DLEC1: variants seen among roughly 807,000 people sequenced by gnomAD.
DLEC1 encodes DLEC1 cilia and flagella associated protein, also known as deleted in lung and esophageal cancer protein 1.
DLEC1 carries 146 observed loss-of-function variants against 198.1 expected under a neutral mutation model. The ratio of observed to expected loss-of-function variants is 0.74; its 90% CI spans 0.64 to 0.85. DLEC1 has a LOEUF of 0.85. DLEC1 is among the 40% of genes least tolerant of loss of function. The probability of loss-of-function intolerance (pLI) is 0.00; values close to 1 mark genes in which losing one functional copy is unlikely to be tolerated. For missense variants in DLEC1, 2,233 were observed against 2,220.0 expected (o/e 1.01, Z -0.12); for synonymous variants, 897 against 866.8 (o/e 1.03, Z -0.61).
At chr3:38,045,456 C>T in intron 1 of DLEC1, 87 bp from the exon 2 acceptor site, 4 of 1,493,450 alleles carry the variant, frequency 2.7e-6, no homozygotes, top group Non-Finnish European at 2.7e-6. Context: ...TCACTGGAAG[C>T]CCTGATCCTG....
chr3:38,039,538 T>G lies in DLEC1; in HGVS notation c.313T>G (p.Ser105Ala). 1 of 1,614,004 alleles carries G rather than the reference T, an allele frequency of 6.2e-7. No homozygotes were observed. The highest frequency in any genetic ancestry group is 1.3e-5 in the African/African-American group (1 of 75,064). The change falls in exon 1 of 37, where the codon TCA becomes GCA. Residue 105 changes from serine to alanine, a missense_variant. Transcript: ENST00000308059. Reference sequence around the variant, plus strand: ...CACCGGCGTCTTCCGCAACTTGTACTCAGCCGAGGTCATCGGCGACGAAGT... The same window carrying G: ...CACCGGCGTCTTCCGCAACTTGTACGCAGCCGAGGTCATCGGCGACGAAGT... The part of the protein sequence containing the change: ...LLTGVFRNLY[S>A]AEVIGDEVSA...
chr3:38,063,124 T>G (rs929250748), intron 5 of DLEC1, among the ~76,000 whole-genome samples: 1 of 152,174 alleles, frequency 6.6e-6, no homozygotes, highest in Non-Finnish European at 1.5e-5. Context: ...CATTTGAAAT[T>G]TGATTGATTA....
rs1213264087 is a variant in DLEC1 at position 38,084,033 on chromosome 3, A to G, written c.1174-125A>G. ...CCTCAGCCAGCTTCGACAGTTACCA[A>G]CATGTGGCCAAGCCTATTTCATTTC... On this transcript the variant is annotated intron_variant, in intron 6 of 36. Coordinates refer to ENST00000308059, the MANE Select transcript of DLEC1 (RefSeq NM_007335.4). 10 of 829,372 alleles carry G rather than the reference A, an allele frequency of 1.2e-5. No homozygotes were observed. The Admixed American group carries it at 2.3e-4, about 19-fold the overall frequency. The allele number at this position is 829,372 out of a possible 1,614,324, so 51.4% of individuals were successfully genotyped here.
At chr3:38,048,631 G>A (rs769803282) in intron 2 of DLEC1, among the ~76,000 whole-genome samples, 8 of 152,220 alleles carry the variant, frequency 5.3e-5, no homozygotes, top group Non-Finnish European at 1.0e-4. Flanking sequence ...TTGGAAGGGG[G>A]TGGGACTTAG....
intron 12 of DLEC1, 136 bp downstream of exon 12, chr3:38,093,903 G>A: frequency 8.5e-7 from 1 of 1,176,158 alleles, no homozygotes; most frequent in Non-Finnish European, 1.2e-6. Flanking sequence ...ATTCAATTGA[G>A]GGATCCAGAT....
rs1267901319 is a variant in DLEC1, at chr3:38,122,812, G to A, written c.*400G>A. On this transcript the variant is annotated 3_prime_UTR_variant, in exon 37 of 37. Coordinates refer to ENST00000308059, the MANE Select transcript of DLEC1 (RefSeq NM_007335.4). ...TGGCCTTGTGGCCTGGGTGACCCAG[G>A]CTGCTTTTATCTTGCACAGCTAAAG... The A allele has an allele frequency of 7.3e-6, 7 of 960,942 alleles. No homozygotes were observed. Among genetic ancestry groups the A allele is most frequent in the African/African-American group, 6.6e-5 (4 of 60,280 alleles). The allele number at this position is 960,942 out of a possible 1,614,324, so 59.5% of individuals were successfully genotyped here.
chr3:38,064,125 G>C (rs1441294347), intron 6 of DLEC1, among the ~76,000 whole-genome samples: 2 of 150,560 alleles, frequency 1.3e-5, no homozygotes, highest in East Asian at 3.9e-4. Context: ...TGTGAACAAA[G>C]GTCTCTGGTT....
Position 38,122,115 on chromosome 3 carries a change from C to CCAAA in DLEC1, c.5068_5071dup (p.Ser1691LysfsTer28), listed in dbSNP as rs577236284. On this transcript the variant is annotated frameshift_variant, in exon 36 of 37. Coordinates refer to ENST00000308059, the MANE Select transcript of DLEC1 (RefSeq NM_007335.4). LOFTEE classifies it high-confidence loss of function. The stretch of plus-strand genomic sequence containing the variant: ...GGCCGCTGTGGCCTTCAGGGTCTCC[C>CCAAA]CAAACAGTGGGCTGCTAGAAGCACG... 4.5e-3 allele frequency: 7,255 copies of CCAAA among 1,614,140 alleles called. 24 individuals carry two copies. The highest frequency in any genetic ancestry group is 5.8e-3 in the Non-Finnish European group (6,810 of 1,179,982).
chr3:38,084,577 TGG>T (rs752002906), intron 7 of DLEC1, among the ~76,000 whole-genome samples: 41 of 500 alleles, frequency 0.082, 1 homozygote, highest in Admixed American at 0.12. Flanking sequence ...GTAGTAGTAG[TGG>T]GGGGGTGGTA....
At chr3:38,096,041 G>A in intron 14 of DLEC1, 95 bp downstream of exon 14, 2 of 1,467,316 alleles carry the variant, frequency 1.4e-6, no homozygotes, top group Non-Finnish European at 1.9e-6. Context: ...AGGGGGAGTG[G>A]GCAGCCTGGT....
chr3:38,076,534 C>G (rs1004800524), intron 6 of DLEC1, among the ~76,000 whole-genome samples: 1 of 152,046 alleles, frequency 6.6e-6, no homozygotes, highest in Non-Finnish European at 1.5e-5. Context: ...CAGGATGAGC[C>G]AGGAAAAGGA....
In DLEC1 at chr3:38,096,721, T is replaced by C. The variant is rs370726292; in HGVS notation, c.2324T>C (p.Val775Ala). The C allele has an allele frequency of 2.9e-5, 47 of 1,609,436 alleles. No individual in the cohort carries two copies. The highest frequency in any genetic ancestry group is 3.5e-5 in the Non-Finnish European group (41 of 1,178,340). ...IPGENYIGINVKKAFKMWNNS... is the reference protein window; with the variant it reads ...IPGENYIGINAKKAFKMWNNS... ...GGGGAGAACTACATTGGGATAAATGTGAAGAAGGCTTTTAAGGTAGGTCAT... is the reference window on the plus strand; with the variant it reads ...GGGGAGAACTACATTGGGATAAATGCGAAGAAGGCTTTTAAGGTAGGTCAT... Residue 775 changes from valine to alanine, a missense_variant, in exon 15 of 37, where the codon GTG (valine) becomes GCG (alanine). Transcript: ENST00000308059.
intron 22 of DLEC1, 183 bp from the exon 23 acceptor site, chr3:38,109,916 C>A: frequency 1.4e-6 from 1 of 737,496 alleles, no homozygotes; most frequent in Non-Finnish European, 2.2e-6. Flanking sequence ...AGTTTGAGGC[C>A]TCTCTCAGCA....
At position 38,062,353 on chromosome 3, in the gene DLEC1, C is replaced by T. The variant is rs1329937839; in HGVS notation, c.858C>T (p.Thr286=). Residue 286 remains threonine (T), a synonymous_variant, in exon 4 of 37, where the codon ACC becomes ACT. Transcript: ENST00000308059. ...TAACTCCTAAGGCCAAAGAAAGGAC[C>T]AGAGAACCTCTCAAGGTCAGTTTGG... ...WNLTPKAKER[T]REPLKKASQP... is the part of the protein sequence containing the mutation. 3 of 1,614,018 alleles carry T rather than the reference C, an allele frequency of 1.9e-6. No homozygotes were observed. The highest frequency in any genetic ancestry group is 2.5e-6 in the Non-Finnish European group (3 of 1,180,036).
chr3:38,062,766 G>A lies in DLEC1; in HGVS notation c.1059G>A (p.Pro353=), dbSNP rs181613667. ...TTTTTCCTCCAAAGAAGCCAGCACCGATAGGAGAATTCCAGAGTACAGAGC... is the reference window on the plus strand; with the variant it reads ...TTTTTCCTCCAAAGAAGCCAGCACCAATAGGAGAATTCCAGAGTACAGAGC... ...SLVFPPKKPA[P]IGEFQSTEPE... is the part of the protein sequence containing the mutation. The change falls in exon 5 of 37, where the codon CCG becomes CCA. Residue 353 remains proline (P), a synonymous_variant. Coordinates refer to ENST00000308059, the MANE Select transcript of DLEC1 (RefSeq NM_007335.4). The A allele has an allele frequency of 1.4e-4, 223 of 1,614,006 alleles. 2 individuals are homozygous for A. The African/African-American group carries it at 2.3e-3, about 17-fold the overall frequency.
At position 38,122,362 on chromosome 3, in the gene DLEC1, C is replaced by CG. The variant is rs1700527288; in HGVS notation, c.5222dup (p.Gln1742ProfsTer5). The CG allele has an allele frequency of 6.2e-7, 1 of 1,614,178 alleles. No homozygotes were observed. Among genetic ancestry groups the CG allele is most frequent in the East Asian group, 2.2e-5 (1 of 44,876 alleles). Reference sequence around the variant, plus strand: ...TGAGAAGTCCTGCACCCTGCGGCTCCGGGGCCAAGGCTCCTATGATGAGAG... The same window carrying CG: ...TGAGAAGTCCTGCACCCTGCGGCTCCGGGGGCCAAGGCTCCTATGATGAGAG... On this transcript the variant is annotated frameshift_variant, in exon 37 of 37. Coordinates refer to ENST00000308059, the MANE Select transcript of DLEC1 (RefSeq NM_007335.4). LOFTEE classifies it high-confidence loss of function.
intron 6 of DLEC1, among the ~76,000 whole-genome samples, chr3:38,075,659 A>G (rs964376175): frequency 2.6e-5 from 4 of 151,968 alleles, no homozygotes; most frequent in Non-Finnish European, 5.9e-5. Flanking sequence ...AGGTCAGGGC[A>G]TGGAAATAAG....
chr3:38,117,060 G>T lies in DLEC1; in HGVS notation c.4265G>T (p.Cys1422Phe), dbSNP rs774965381. ...CCTGAGATCCTGCACAAGGTGGAGT[G>T]TACTGGCTACGCCCTGGGTTTCATG... ...LSPEILHKVECTGYALGFMSL... is the reference protein window; with the variant it reads ...LSPEILHKVEFTGYALGFMSL... The change falls in exon 30 of 37, where the codon TGT (cysteine) becomes TTT (phenylalanine). Residue 1422 changes from cysteine (C) to phenylalanine (F), a missense_variant. By Grantham distance (205) the Cys-to-Phe change is radical (BLOSUM62 -2). Transcript: ENST00000308059. 3.7e-6 allele frequency: 6 copies of T among 1,614,022 alleles called. No homozygotes were observed. In the Admixed American group the frequency reaches 6.7e-5, roughly 18 times the overall value.
rs1287508825 is a variant in DLEC1, at chr3:38,097,546, G to T, written c.2474G>T (p.Gly825Val). ...EVGDFELNFTGGVPGPTSQDL... is the reference protein window; with the variant it reads ...EVGDFELNFTVGVPGPTSQDL... ...GGGGATTTTGAGTTGAACTTTACTG[G>T]GGGTGTCCCTGGCCCCACAAGCCAG... The change falls in exon 17 of 37, where the codon GGG (glycine) becomes GTG (valine). Residue 825 changes from glycine (G) to valine (V), a missense_variant. Gly to Val is a moderately radical substitution (Grantham distance 109). Transcript: ENST00000308059. The T allele has an allele frequency of 6.2e-7, 1 of 1,614,164 alleles. No homozygotes were observed. Among genetic ancestry groups the T allele is most frequent in the South Asian group, 1.1e-5 (1 of 91,078 alleles).
Sources: allele counts gnomAD v4.1 joint callset (sites outside exome capture counted in the v4.1 genomes callset), GRCh38; gene constraint gnomAD v4.1.1; transcripts MANE v1.5; gene names NCBI Gene and HGNC (gene_info 2026-07-23, HGNC 2026-07-21).